TCF7L2: variants seen among roughly 807,000 people sequenced by gnomAD.
TCF7L2 encodes transcription factor 7 like 2, also known as transcription factor 7-like 2.
TCF7L2 carries 23 observed loss-of-function variants against 77.9 expected under a neutral mutation model. That is an observed-to-expected ratio of 0.30 (90% confidence interval 0.21 to 0.42). The LOEUF (loss-of-function observed/expected upper bound fraction) is 0.42. TCF7L2 is among the 10% of genes least tolerant of loss of function. The pLI, the probability that TCF7L2 is intolerant of heterozygous loss-of-function variation, is 1.00. For synonymous variants in TCF7L2, 413 were observed against 340.2 expected, an observed-to-expected ratio of 1.21 and a Z score of -2.36; for missense variants, 654 against 793.1, an observed-to-expected ratio of 0.82 and a Z score of 2.11.
intron 5 of TCF7L2, among the ~76,000 whole-genome samples, chr10:113,049,538 C>T (rs2054047559): frequency 1.3e-5 from 2 of 152,096 alleles, no homozygotes; most frequent in African/African-American, 2.4e-5. Context: ...GTGCCATCAT[C>T]TCTCACTTGG....
intron 5 of TCF7L2, among the ~76,000 whole-genome samples, chr10:113,088,898 G>GT (rs1222623992): frequency 6.6e-6 from 1 of 151,068 alleles, no homozygotes; most frequent in African/African-American, 2.4e-5. Context: ...GAGCCCAGGA[G>GT]TTTAAGTCCA....
intron 11 of TCF7L2, among the ~76,000 whole-genome samples, chr10:113,155,821 C>T (rs1270922368): frequency 2.0e-5 from 3 of 152,210 alleles, no homozygotes; most frequent in Admixed American, 6.5e-5. Flanking sequence ...GTGGGAGAGG[C>T]GCGGGCATGG....
At chr10:113,145,958 T>TGGCCCC in intron 7 of TCF7L2, 53 bp from the exon 8 acceptor site, 1 of 1,350,226 alleles carries the variant, frequency 7.4e-7, no homozygotes, top group East Asian at 2.4e-5. Context: ...CTTTTTCTTG[T>TGGCCCC]CCCCACCCCC....
chr10:113,166,075 AT>A lies in TCF7L2; in HGVS notation c.*107del, dbSNP rs1282048740. ...AAAGGTTTTGTTTTGTACTCTCTTA[AT>A]TTTGTGCCATGTGGCTACATTAGTT... is the stretch of plus-strand genomic sequence containing the variant. On this transcript the variant is annotated 3_prime_UTR_variant, in exon 14 of 14. Transcript: ENST00000627217. The A allele has an allele frequency of 9.0e-7, 1 of 1,109,724 alleles. No individual in the cohort carries two copies. The highest frequency in any genetic ancestry group is 1.7e-5 in the African/African-American group (1 of 59,864). The allele number at this position is 1,109,724 out of a possible 1,614,324, so 68.7% of individuals were successfully genotyped here.
chr10:113,114,114 T>G (rs2063456492), intron 5 of TCF7L2, among the ~76,000 whole-genome samples: 3 of 152,192 alleles, frequency 2.0e-5, no homozygotes, highest in Non-Finnish European at 4.4e-5. Context: ...TTACTGACAA[T>G]ATCCCCAGCT....
At chr10:113,108,181 C>T (rs1024890575) in intron 5 of TCF7L2, among the ~76,000 whole-genome samples, 2 of 152,110 alleles carry the variant, frequency 1.3e-5, no homozygotes, top group South Asian at 2.1e-4. Context: ...TAATCAGGAA[C>T]CATGTTTGCA....
intron 11 of TCF7L2, among the ~76,000 whole-genome samples, chr10:113,153,351 G>T (rs1268918370): frequency 6.6e-6 from 1 of 152,126 alleles, no homozygotes; most frequent in Admixed American, 6.6e-5. Flanking sequence ...ATTTGGTTCC[G>T]TGAAGGGATT....
At chr10:112,996,166 G>A (rs1027834717) in intron 4 of TCF7L2, among the ~76,000 whole-genome samples, 6 of 152,110 alleles carry the variant, frequency 3.9e-5, no homozygotes, top group Non-Finnish European at 5.9e-5. Flanking sequence ...GTATTCTAGA[G>A]CTCATCAGGC....
intron 5 of TCF7L2, chr10:113,133,389 C>A (rs981134890): frequency 2.0e-5 from 3 of 152,238 alleles, no homozygotes; most frequent in Non-Finnish European, 2.9e-5. Flanking sequence ...GCCCACCCAC[C>A]ACCTCTCACC....
chr10:113,108,657 G>A (rs941818784), intron 5 of TCF7L2, among the ~76,000 whole-genome samples: 1 of 152,158 alleles, frequency 6.6e-6, no homozygotes, highest in Non-Finnish European at 1.5e-5. Context: ...ACCGCGGGGC[G>A]CCCCCTGCAG....
intron 5 of TCF7L2, among the ~76,000 whole-genome samples, chr10:113,067,783 G>A (rs73360226): frequency 1.4e-3 from 209 of 152,046 alleles, no homozygotes; most frequent in African/African-American, 4.8e-3. Context: ...TTTTTTAAGT[G>A]GGGAGGGTTA....
chr10:113,143,694 C>T (rs2068783350), intron 6 of TCF7L2, among the ~76,000 whole-genome samples: 1 of 152,182 alleles, frequency 6.6e-6, no homozygotes, highest in Non-Finnish European at 1.5e-5. Context: ...CTTGAGTCTA[C>T]TCAGTATACC....
Position 113,165,688 on chromosome 10 carries a change from T to C in TCF7L2, c.1525T>C (p.Ser509Pro), listed in dbSNP as rs58719567. The change falls in exon 14 of 14, where the codon TCA becomes CCA. Residue 509 changes from serine to proline, a missense_variant. Transcript: ENST00000627217. ...AGGCTCCCCTCCCCGAGACGCCAAG[T>C]CACAGACTGAGCAGACCCAGCCTCT... The C allele has an allele frequency of 1.3e-6, 2 of 1,592,202 alleles. No individual in the cohort carries two copies. The highest frequency in any genetic ancestry group is 4.6e-5 in the East Asian group (2 of 43,568).
At chr10:113,118,548 TG>T (rs2064214578) in intron 5 of TCF7L2, among the ~76,000 whole-genome samples, 1 of 151,728 alleles carries the variant, frequency 6.6e-6, no homozygotes, top group Non-Finnish European at 1.5e-5. Context: ...TGTGTGTGTG[TG>T]TGTGTTTGTT....
intron 5 of TCF7L2, among the ~76,000 whole-genome samples, chr10:113,068,944 A>G (rs1250080150): frequency 6.6e-6 from 1 of 151,412 alleles, no homozygotes; most frequent in Non-Finnish European, 1.5e-5. Context: ...ACCACCACCA[A>G]GAACAAGAGT....
chr10:112,983,127 G>C (rs1301521039), intron 4 of TCF7L2, among the ~76,000 whole-genome samples: 1 of 150,838 alleles, frequency 6.6e-6, no homozygotes, highest in South Asian at 2.1e-4. Context: ...TTTGTTTTTT[G>C]TTTTTTTGTT....
At chr10:113,006,200 G>A (rs566943146) in intron 4 of TCF7L2, among the ~76,000 whole-genome samples, 2 of 151,604 alleles carry the variant, frequency 1.3e-5, no homozygotes, top group East Asian at 1.9e-4. Flanking sequence ...AATGAAAGTC[G>A]TCCCATAAGA....
chr10:113,019,101 G>C (rs916801049), intron 4 of TCF7L2, among the ~76,000 whole-genome samples: 1 of 152,226 alleles, frequency 6.6e-6, no homozygotes, highest in Admixed American at 6.5e-5. Flanking sequence ...GAATGGTAGA[G>C]CATCCTCACT....
At chr10:113,095,643 T>C (rs1376127489) in intron 5 of TCF7L2, among the ~76,000 whole-genome samples, 1 of 152,186 alleles carries the variant, frequency 6.6e-6, no homozygotes, top group African/African-American at 2.4e-5. Flanking sequence ...GAAGCCGGGA[T>C]CATTTCTGGC....
Sources: gnomAD v4.1 joint callset for allele counts (sites outside exome capture counted in the v4.1 genomes callset) on GRCh38, gnomAD v4.1.1 for gene constraint, MANE v1.5 for transcripts, NCBI Gene and HGNC (gene_info 2026-07-23, HGNC 2026-07-21) for gene names.